The following KAT6B variants were observed in gnomAD, a reference collection of about 807,000 sequenced individuals.
The protein encoded by KAT6B is histone acetyltransferase KAT6B.
Under a neutral mutation model 187.5 loss-of-function variants are expected in KAT6B, and 10 were observed. The ratio of observed to expected loss-of-function variants is 0.05; its 90% confidence interval spans 0.03 to 0.09. The LOEUF (loss-of-function observed/expected upper bound fraction) is 0.09. KAT6B is among the 10% of genes least tolerant of loss of function. KAT6B has a pLI of 1.00. For missense variants in KAT6B, 1,952 were observed against 2,558.9 expected, an observed-to-expected ratio of 0.76 and a Z score of 5.12; for synonymous variants, 861 against 926.8, an observed-to-expected ratio of 0.93 and a Z score of 1.29.
At chr10:74,882,657 C>G (rs1415786611) in intron 3 of KAT6B, among the ~76,000 whole-genome samples, 1 of 152,210 alleles carries the variant, frequency 6.6e-6, no homozygotes, top group East Asian at 1.9e-4. Flanking sequence ...GATGCTGTAG[C>G]CAGCATGGCT....
intron 12 of KAT6B, among the ~76,000 whole-genome samples, chr10:74,986,381 TA>T (rs140982600): frequency 1.8e-3 from 271 of 152,368 alleles, no homozygotes; most frequent in East Asian, 9.0e-3. Flanking sequence ...TTATTTATGA[TA>T]TTTTTTTATA....
At chr10:74,850,533 C>T (rs1480443383) in intron 3 of KAT6B, among the ~76,000 whole-genome samples, 1 of 152,200 alleles carries the variant, frequency 6.6e-6, no homozygotes, top group Non-Finnish European at 1.5e-5. Context: ...TATTACCACA[C>T]TGGCTTCTTA....
chr10:74,931,676 G>C (rs1044876776), intron 3 of KAT6B, among the ~76,000 whole-genome samples: 1 of 152,162 alleles, frequency 6.6e-6, no homozygotes, highest in Non-Finnish European at 1.5e-5. Flanking sequence ...TGGCCTTTTA[G>C]AATATGATTT....
At chr10:74,831,331 T>A (rs1444267599) in intron 1 of KAT6B, among the ~76,000 whole-genome samples, 1 of 152,174 alleles carries the variant, frequency 6.6e-6, no homozygotes, top group Non-Finnish European at 1.5e-5. Flanking sequence ...TGGAGTCAAA[T>A]TTATTGGTCT....
chr10:75,021,740 G>A (rs995997636), intron 15 of KAT6B, 141 bp from the exon 16 acceptor site: 4 of 806,700 alleles, frequency 5.0e-6, no homozygotes, highest in Non-Finnish European at 8.4e-6. Context: ...AAAGGTTCCT[G>A]AGATGATGCA....
intron 3 of KAT6B, among the ~76,000 whole-genome samples, chr10:74,907,298 C>G (rs1465080105): frequency 6.6e-6 from 1 of 152,156 alleles, no homozygotes; most frequent in Non-Finnish European, 1.5e-5. Flanking sequence ...ATTGGGTGGT[C>G]TTAGAGACTA....
chr10:74,999,358 T>C (rs1031253293), intron 13 of KAT6B, among the ~76,000 whole-genome samples: 1 of 152,098 alleles, frequency 6.6e-6, no homozygotes, highest in African/African-American at 2.4e-5. Flanking sequence ...GGGGTCTGCA[T>C]TAGAGGGAGC....
intron 3 of KAT6B, among the ~76,000 whole-genome samples, chr10:74,919,456 G>A (rs747491354): frequency 3.3e-5 from 5 of 151,960 alleles, no homozygotes; most frequent in African/African-American, 7.3e-5. Context: ...CTGGAGTGCA[G>A]TGGCGTGATC....
chr10:74,895,564 G>T (rs1845930589), intron 3 of KAT6B, among the ~76,000 whole-genome samples: 1 of 152,006 alleles, frequency 6.6e-6, no homozygotes, highest in Non-Finnish European at 1.5e-5. Flanking sequence ...TTTTGAGGCA[G>T]AGTCTTTCTG....
At position 75,030,608 on chromosome 10, in the gene KAT6B, G is replaced by A. The variant is rs762885368; in HGVS notation, c.5784G>A (p.Lys1928=). Residue 1928 remains lysine, a synonymous_variant, in exon 18 of 18, where the codon AAG becomes AAA. Coordinates refer to ENST00000287239, the MANE Select transcript of KAT6B (RefSeq NM_012330.4). This position sits in a 1 kb window ranked among gnomAD's most constrained non-coding sequence, Gnocchi z 4.8. ...ASKGHISMRT[K]SASLSPAAAT... is the part of the protein sequence containing the mutation. ...AGGGCCACATCTCCATGAGAACCAA[G>A]TCAGCGTCTCTGTCACCAGCCGCTG... 6.8e-6 allele frequency: 11 copies of A among 1,612,890 alleles called. No homozygotes were observed. In the East Asian group the frequency reaches 2.5e-4, roughly 36 times the overall value.
chr10:75,004,113 A>G lies in KAT6B; in HGVS notation c.2629+15001A>G, dbSNP rs190306554. On this transcript the variant is annotated intron_variant, in intron 13 of 17. Transcript: ENST00000287239. ...GTTTGGATTTCTAACGTTGACTGGC[A>G]TTTGCATTGAGTTATTTTGAAATCC... 1.6e-3 allele frequency among the ~76,000 whole-genome samples: 250 copies of G among 151,932 alleles called. 2 individuals are homozygous for G. The highest frequency in any genetic ancestry group is 5.8e-3 in the African/African-American group (240 of 41,420).
chr10:74,940,102 G>A (rs963963142), intron 3 of KAT6B, among the ~76,000 whole-genome samples: 7 of 152,060 alleles, frequency 4.6e-5, no homozygotes. Context: ...GACAGGATTT[G>A]AAGGTGTTAG....
At chr10:75,020,895 C>A in intron 14 of KAT6B, 82 bp downstream of exon 14, 1 of 1,174,052 alleles carries the variant, frequency 8.5e-7, no homozygotes, top group East Asian at 2.4e-5. Flanking sequence ...GCATTCATTC[C>A]AGTTAAAGAC....
intron 3 of KAT6B, among the ~76,000 whole-genome samples, chr10:74,902,789 G>A (rs898768071): frequency 6.6e-6 from 1 of 152,140 alleles, no homozygotes; most frequent in Non-Finnish European, 1.5e-5. Flanking sequence ...CTAATATTAA[G>A]TGTGGCATCA....
At chr10:74,937,739 T>C (rs1849365337) in intron 3 of KAT6B, among the ~76,000 whole-genome samples, 1 of 152,230 alleles carries the variant, frequency 6.6e-6, no homozygotes, top group Non-Finnish European at 1.5e-5. Flanking sequence ...ATTAACTAAA[T>C]GCTTACCAGA....
chr10:74,943,109 G>A (rs1849819369), intron 3 of KAT6B, among the ~76,000 whole-genome samples: 2 of 152,180 alleles, frequency 1.3e-5, no homozygotes, highest in Admixed American at 1.3e-4. Context: ...TAAGACAGCT[G>A]CTAAAACTAG....
chr10:74,847,876 A>G (rs1294154323), intron 3 of KAT6B, among the ~76,000 whole-genome samples: 1 of 150,510 alleles, frequency 6.6e-6, no homozygotes, highest in Non-Finnish European at 1.5e-5. Flanking sequence ...GTGTGAAGTC[A>G]TGTGTGTGTA....
At chr10:74,949,777 T>C (rs994931572) in intron 3 of KAT6B, among the ~76,000 whole-genome samples, 1 of 152,236 alleles carries the variant, frequency 6.6e-6, no homozygotes, top group African/African-American at 2.4e-5. Context: ...TCTTTTTTTG[T>C]TTCTAAATGA....
At chr10:74,845,067 GA>G (rs1375219024) in intron 3 of KAT6B, among the ~76,000 whole-genome samples, 1 of 151,990 alleles carries the variant, frequency 6.6e-6, no homozygotes, top group South Asian at 2.1e-4. Flanking sequence ...AAAAATCAAA[GA>G]ATTAGCCAGG....
Sources: gnomAD v4.1 joint callset for allele counts (sites outside exome capture counted in the v4.1 genomes callset) on GRCh38, gnomAD v4.1.1 for gene constraint, Gnocchi (gnomAD v3.1) non-coding constraint, MANE v1.5 for transcripts, NCBI Gene and HGNC (gene_info 2026-07-23, HGNC 2026-07-21) for gene names.